The following ERBB4 variants were observed in gnomAD, a reference collection of about 807,000 sequenced individuals.
ERBB4 encodes erb-b2 receptor tyrosine kinase 4, also known as receptor tyrosine-protein kinase erbB-4.
ERBB4 carries 42 observed loss-of-function variants against 158.0 expected under a neutral mutation model. The ratio of observed to expected loss-of-function variants is 0.27; its 90% CI spans 0.21 to 0.34. The LOEUF (loss-of-function observed/expected upper bound fraction) is 0.34, where lower values mean the gene tolerates loss of function less well. ERBB4 is among the 10% of genes least tolerant of loss of function. ERBB4 has a pLI of 1.00. For missense variants in ERBB4, 1,333 were observed against 1,624.1 expected (o/e 0.82, Z 3.08); for synonymous variants, 583 against 558.7 (o/e 1.04, Z -0.61).
intron 2 of ERBB4, among the ~76,000 whole-genome samples, chr2:212,094,741 G>A (rs1457939681): frequency 1.3e-5 from 2 of 152,038 alleles, no homozygotes; most frequent in Non-Finnish European, 1.5e-5. Flanking sequence ...CTGCAGAACT[G>A]TCAGCCAATT....
chr2:211,801,406 TGATA>T (rs2076495106), intron 3 of ERBB4, among the ~76,000 whole-genome samples: 1 of 152,234 alleles, frequency 6.6e-6, no homozygotes, highest in African/African-American at 2.4e-5. Context: ...TTTCTTTGCT[TGATA>T]TAGTTAAAAA....
intron 1 of ERBB4, among the ~76,000 whole-genome samples, chr2:212,142,020 C>G (rs1036708011): frequency 5.9e-5 from 9 of 152,102 alleles, no homozygotes; most frequent in Admixed American, 5.2e-4. Context: ...CTGATATCAT[C>G]TCCTAGGATG....
At chr2:211,729,406 C>A (rs370414207) in intron 5 of ERBB4, among the ~76,000 whole-genome samples, 2 of 151,136 alleles carry the variant, frequency 1.3e-5, no homozygotes, top group African/African-American at 2.4e-5. Flanking sequence ...TAATTCCAAA[C>A]GAAAATTCAG....
At chr2:212,127,999 T>A (rs921918958) in intron 1 of ERBB4, among the ~76,000 whole-genome samples, 1 of 152,298 alleles carries the variant, frequency 6.6e-6, no homozygotes, top group African/African-American at 2.4e-5. Context: ...GGTATGTTGT[T>A]ACTATTTGTC....
chr2:211,631,346 G>C (rs983159521), intron 16 of ERBB4, among the ~76,000 whole-genome samples: 2 of 151,954 alleles, frequency 1.3e-5, no homozygotes, highest in Admixed American at 6.6e-5. Flanking sequence ...GGGCAACTCT[G>C]GTAGAAAAAA....
chr2:211,681,659 C>T (rs540078308), intron 12 of ERBB4, among the ~76,000 whole-genome samples: 21 of 152,120 alleles, frequency 1.4e-4, no homozygotes, highest in African/African-American at 3.4e-4. Context: ...TTACATATCT[C>T]GTTTGGTCAA....
At chr2:212,116,665 G>C (rs1437583080) in intron 2 of ERBB4, among the ~76,000 whole-genome samples, 1 of 152,080 alleles carries the variant, frequency 6.6e-6, no homozygotes, top group Non-Finnish European at 1.5e-5. Context: ...CAAACTTTTG[G>C]TCTCAAGCAA....
chr2:211,593,278 A>G (rs2125796966), intron 19 of ERBB4, among the ~76,000 whole-genome samples: 1 of 152,348 alleles, frequency 6.6e-6, no homozygotes, highest in South Asian at 2.1e-4. Context: ...AGTGAAGCCA[A>G]GAGAATATTT....
intron 2 of ERBB4, among the ~76,000 whole-genome samples, chr2:212,038,807 TATGTAAGGAA>T (rs1261937882): frequency 6.6e-6 from 1 of 152,158 alleles, no homozygotes; most frequent in Non-Finnish European, 1.5e-5. Context: ...TATTCTCAGT[TATGTAAGGAA>T]ATGCCTTTTC....
chr2:212,337,478 G>A (rs146112196), intron 1 of ERBB4, among the ~76,000 whole-genome samples: 9 of 152,150 alleles, frequency 5.9e-5, no homozygotes, highest in African/African-American at 2.2e-4. Flanking sequence ...GATGGCACCT[G>A]TTTCTTTCAA....
intron 19 of ERBB4, among the ~76,000 whole-genome samples, chr2:211,577,446 C>T (rs2067923848): frequency 6.6e-6 from 1 of 151,832 alleles, no homozygotes; most frequent in Admixed American, 6.6e-5. Flanking sequence ...CTACATTCTT[C>T]CCTAACTCAT....
At chr2:212,424,671 C>T (rs1455462876) in intron 1 of ERBB4, among the ~76,000 whole-genome samples, 1 of 152,070 alleles carries the variant, frequency 6.6e-6, no homozygotes, top group African/African-American at 2.4e-5. Flanking sequence ...CTATAGTAAT[C>T]AGATAAAACT....
In ERBB4 at chr2:212,360,690, G is replaced by A. The variant is rs541629396; in HGVS notation, c.82+177759C>T. Among the ~76,000 whole-genome samples, 8 of 151,704 alleles carry A rather than the reference G, an allele frequency of 5.3e-5. No individual in the cohort carries two copies. The East Asian group carries it at 1.4e-3, about 26-fold the overall frequency. On this transcript the variant is annotated intron_variant, in intron 1 of 27. Transcript: ENST00000342788. Reference sequence around the variant, plus strand: ...AAATAAAATGACCCTTTCTACCACAGAAAGCATGGTGACTTTCAGTGACCA... The same window carrying A: ...AAATAAAATGACCCTTTCTACCACAAAAAGCATGGTGACTTTCAGTGACCA...
intron 19 of ERBB4, among the ~76,000 whole-genome samples, chr2:211,565,653 A>C (rs2067524356): frequency 6.6e-6 from 1 of 152,196 alleles, no homozygotes; most frequent in Non-Finnish European, 1.5e-5. Context: ...TGTTGAGTTC[A>C]GCTGTGCCTT....
At chr2:211,837,692 C>A (rs748922032) in intron 3 of ERBB4, among the ~76,000 whole-genome samples, 2 of 152,032 alleles carry the variant, frequency 1.3e-5, no homozygotes, top group Non-Finnish European at 2.9e-5. Context: ...AAATGAAATA[C>A]TAATCGAGTT....
At chr2:211,830,964 A>G (rs1210019503) in intron 3 of ERBB4, among the ~76,000 whole-genome samples, 2 of 152,112 alleles carry the variant, frequency 1.3e-5, no homozygotes, top group African/African-American at 4.8e-5. Flanking sequence ...AACATATACC[A>G]GGATGAAAAT....
At chr2:212,135,552 T>C (rs2080246723) in intron 1 of ERBB4, among the ~76,000 whole-genome samples, 1 of 152,324 alleles carries the variant, frequency 6.6e-6, no homozygotes, top group South Asian at 2.1e-4. Flanking sequence ...TTTCATAACA[T>C]TTCTATGTTG....
intron 4 of ERBB4, among the ~76,000 whole-genome samples, chr2:211,755,361 G>A (rs905500796): frequency 2.2e-4 from 34 of 152,146 alleles, no homozygotes; most frequent in African/African-American, 7.7e-4. Context: ...AATCGGTCGG[G>A]CTTGTTGGCG....
At chr2:211,803,682 T>C (rs577007304) in intron 3 of ERBB4, among the ~76,000 whole-genome samples, 1 of 152,354 alleles carries the variant, frequency 6.6e-6, no homozygotes, top group African/African-American at 2.4e-5. Flanking sequence ...AACACTCTTC[T>C]ATGCAAAGCA....
Sources: allele counts gnomAD v4.1 joint callset (sites outside exome capture counted in the v4.1 genomes callset), GRCh38; gene constraint gnomAD v4.1.1; transcripts MANE v1.5; gene names NCBI Gene and HGNC (gene_info 2026-07-23, HGNC 2026-07-21).